UNC13B: variants seen among roughly 807,000 people sequenced by gnomAD.
The protein encoded by UNC13B is protein unc-13 homolog B.
Under a neutral mutation model 211.0 loss-of-function variants are expected in UNC13B, and 144 were observed. The observed-to-expected ratio is 0.68, with a 90% CI of 0.60 to 0.78. The LOEUF (loss-of-function observed/expected upper bound fraction) is 0.78. Ranked by LOEUF, UNC13B falls within the 30% of genes least tolerant of loss-of-function variation. The pLI is 0.00. For synonymous variants in UNC13B, 709 were observed against 725.8 expected (o/e 0.98, Z 0.37); for missense variants, 1,777 against 2,002.0 (o/e 0.89, Z 2.14).
At chr9:35,244,979 A>G (rs1826004506) in intron 6 of UNC13B, among the ~76,000 whole-genome samples, 1 of 152,118 alleles carries the variant, frequency 6.6e-6, no homozygotes, top group Non-Finnish European at 1.5e-5. Flanking sequence ...GTCCACACCA[A>G]CATCCTAACT....
chr9:35,238,586 T>A (rs940377767), intron 5 of UNC13B, among the ~76,000 whole-genome samples: 1 of 151,004 alleles, frequency 6.6e-6, no homozygotes, highest in Non-Finnish European at 1.5e-5. Context: ...TGAGATGGAG[T>A]CTTGCTCTGC....
At chr9:35,309,093 C>T (rs111913460) in intron 9 of UNC13B, among the ~76,000 whole-genome samples, 2,477 of 152,208 alleles carry the variant, frequency 0.016, 49 homozygotes, top group African/African-American at 0.057. Context: ...TCTTCAGTCT[C>T]GAGCAGTGTA....
chr9:35,259,091 C>T, intron 7 of UNC13B, 41 bp downstream of exon 7: 3 of 1,596,956 alleles, frequency 1.9e-6, no homozygotes, highest in Non-Finnish European at 2.6e-6. Context: ...TTAATTGTAG[C>T]TTTCTGTCGC....
chr9:35,317,725 TG>T (rs1172477315), intron 11 of UNC13B, among the ~76,000 whole-genome samples: 2 of 144,348 alleles, frequency 1.4e-5, no homozygotes, highest in East Asian at 4.0e-4. Context: ...TTAGTAGAGA[TG>T]GGGTTTTACC....
chr9:35,377,825 GC>G (rs1564179591), intron 16 of UNC13B, 130 bp downstream of exon 16: 20 of 978,546 alleles, frequency 2.0e-5, no homozygotes, highest in Admixed American at 2.8e-5. Context: ...GGAAGGAAAG[GC>G]CTCTTTATTA....
intron 26 of UNC13B, 97 bp downstream of exon 26, chr9:35,390,811 G>A: frequency 8.1e-7 from 1 of 1,230,290 alleles, no homozygotes; most frequent in Admixed American, 2.3e-5. Flanking sequence ...AGTTCTGGGT[G>A]AGTGGTATAG....
chr9:35,397,279 T>C lies in UNC13B; in HGVS notation c.11645T>C (p.Ile3882Thr). ...IRKLECPDPSILAHYMRRFAK... is the reference protein window; with the variant it reads ...IRKLECPDPSTLAHYMRRFAK... ...AAGCTGGAATGCCCAGACCCCAGCA[T>C]CCTTGCCCACTACATGAGGAGGTTT... The change falls in exon 29 of 40, where the codon ATC (isoleucine) becomes ACC (threonine). Residue 3882 changes from isoleucine (I) to threonine (T), a missense_variant. Transcript: ENST00000635942. The C allele has an allele frequency of 6.2e-7, 1 of 1,614,146 alleles. No individual in the cohort carries two copies. The highest frequency in any genetic ancestry group is 8.5e-7 in the Non-Finnish European group (1 of 1,180,030).
chr9:35,190,963 T>G (rs1822625189), intron 1 of UNC13B, among the ~76,000 whole-genome samples: 1 of 152,104 alleles, frequency 6.6e-6, no homozygotes, highest in South Asian at 2.1e-4. Context: ...GGTATTTTCT[T>G]TTTTCTTTTT....
intron 2 of UNC13B, among the ~76,000 whole-genome samples, chr9:35,228,738 GTGTGTGTGTGTA>G: frequency 6.8e-6 from 1 of 147,486 alleles, no homozygotes; most frequent in South Asian, 2.2e-4. Flanking sequence ...GTGTGTGTGT[GTGTGTGTGTGTA>G]TGTGTGTGTC....
intron 3 of UNC13B, among the ~76,000 whole-genome samples, chr9:35,233,540 C>T (rs1454921135): frequency 6.6e-6 from 1 of 152,112 alleles, no homozygotes; most frequent in Non-Finnish European, 1.5e-5. Flanking sequence ...TTGGTTCACT[C>T]CTTGCAGAAC....
intron 1 of UNC13B, among the ~76,000 whole-genome samples, chr9:35,200,430 A>G (rs1259148018): frequency 6.6e-6 from 1 of 152,198 alleles, no homozygotes; most frequent in Non-Finnish European, 1.5e-5. Flanking sequence ...CTTGGGCAGT[A>G]TGGCCATTTT....
At chr9:35,200,055 A>G (rs1358686940) in intron 1 of UNC13B, among the ~76,000 whole-genome samples, 1 of 152,214 alleles carries the variant, frequency 6.6e-6, no homozygotes, top group Non-Finnish European at 1.5e-5. Flanking sequence ...AGCTTTCTAC[A>G]TATGGCTAGC....
intron 31 of UNC13B, 21 bp downstream of exon 31, chr9:35,398,309 G>C: frequency 6.2e-7 from 1 of 1,609,512 alleles, no homozygotes; most frequent in Non-Finnish European, 8.5e-7. Context: ...GGGTTTGGGA[G>C]TCACTGTATT....
chr9:35,382,972 C>T (rs926314826), intron 21 of UNC13B, among the ~76,000 whole-genome samples: 2 of 152,122 alleles, frequency 1.3e-5, no homozygotes, highest in African/African-American at 2.4e-5. Flanking sequence ...TATGGGTATG[C>T]GGACTATACT....
At chr9:35,206,256 A>G (rs1019413901) in intron 1 of UNC13B, among the ~76,000 whole-genome samples, 2 of 152,190 alleles carry the variant, frequency 1.3e-5, no homozygotes, top group Admixed American at 1.3e-4. Flanking sequence ...ACAATTAACT[A>G]TTTGAAAGTG....
At chr9:35,331,074 C>A (rs1318136929) in intron 11 of UNC13B, among the ~76,000 whole-genome samples, 1 of 152,144 alleles carries the variant, frequency 6.6e-6, no homozygotes, top group Admixed American at 6.5e-5. Context: ...GCAAAGCATC[C>A]TTTCTCACTC....
Position 35,310,611 on chromosome 9 carries a change from G to A in UNC13B, c.9153G>A (p.Leu3051=). 1 of 1,614,026 alleles carries A rather than the reference G, an allele frequency of 6.2e-7. No homozygotes were observed. The highest frequency in any genetic ancestry group is 2.2e-5 in the East Asian group (1 of 44,864). Residue 3051 remains leucine (L), a synonymous_variant, in exon 10 of 40, where the codon CTG becomes CTA. Coordinates refer to ENST00000635942, the MANE Select transcript of UNC13B (RefSeq NM_001371189.2). ...SIHSCHSSHS[L]SRDGQAGFGE... Reference sequence around the variant, plus strand: ...ATTCTTGCCACAGCTCTCACAGCCTGTCCAGAGATGGCCAAGCAGGTTTTG... The same window carrying A: ...ATTCTTGCCACAGCTCTCACAGCCTATCCAGAGATGGCCAAGCAGGTTTTG...
At chr9:35,279,083 T>A (rs926343479) in intron 7 of UNC13B, among the ~76,000 whole-genome samples, 3 of 152,190 alleles carry the variant, frequency 2.0e-5, no homozygotes, top group African/African-American at 7.2e-5. Context: ...ATTTTAAATA[T>A]ATAATTTAGT....
Position 35,308,275 on chromosome 9 carries a change from AC to A in UNC13B, c.8874del (p.Ser2959ProfsTer10), listed in dbSNP as rs1206874358. The stretch of plus-strand genomic sequence containing the variant: ...GTCCTTCAGGGAAACATGAGGAAGA[AC>A]CCTCCACTGTCTCTGAGATATTTCA... ...ACPSGKHEEE[P>X]STVSEIFHQL... On this transcript the variant is annotated frameshift_variant, in exon 9 of 40. Coordinates refer to ENST00000635942, the MANE Select transcript of UNC13B (RefSeq NM_001371189.2). LOFTEE classifies it high-confidence loss of function. The A allele has an allele frequency of 5.0e-6, 2 of 398,946 alleles. No homozygotes were observed. Among genetic ancestry groups the A allele is most frequent in the Non-Finnish European group, 4.4e-6 (1 of 226,142 alleles). 24.7% of individuals were successfully genotyped at this position (398,946 alleles called of 1,614,324 possible).
Sources: allele counts gnomAD v4.1 joint callset (sites outside exome capture counted in the v4.1 genomes callset), GRCh38; gene constraint gnomAD v4.1.1; transcripts MANE v1.5; gene names NCBI Gene and HGNC (gene_info 2026-07-23, HGNC 2026-07-21).